Variants in PGS1 observed in about 807,000 individuals in gnomAD.
The protein encoded by PGS1 is phosphatidylglycerophosphate synthase 1.
PGS1 carries 44 observed loss-of-function variants against 58.3 expected under a neutral mutation model. That is an observed-to-expected ratio of 0.75 (90% CI 0.59 to 0.97). The LOEUF is 0.97. PGS1 is among the 50% of genes least tolerant of loss of function. The pLI, the probability that PGS1 is intolerant of heterozygous loss-of-function variation, is 0.00. For synonymous variants in PGS1, 330 were observed against 311.0 expected, an observed-to-expected ratio of 1.06 and a Z score of -0.64; for missense variants, 684 against 731.1, an observed-to-expected ratio of 0.94 and a Z score of 0.74.
chr17:78,401,702 G>T (rs895854011), intron 6 of PGS1, among the ~76,000 whole-genome samples: 1 of 152,308 alleles, frequency 6.6e-6, no homozygotes, highest in African/African-American at 2.4e-5. Flanking sequence ...CTCAGACCCC[G>T]ACCGTGATGG....
chr17:78,410,415 C>T (rs912260571), intron 7 of PGS1, among the ~76,000 whole-genome samples: 12 of 145,014 alleles, frequency 8.3e-5, no homozygotes, highest in South Asian at 2.3e-4. Flanking sequence ...GGTGACAAGA[C>T]GAAACTCTGT....
At chr17:78,416,743 AT>A (rs1401447537) in intron 8 of PGS1, among the ~76,000 whole-genome samples, 1 of 152,182 alleles carries the variant, frequency 6.6e-6, no homozygotes, top group Non-Finnish European at 1.5e-5. Flanking sequence ...GGATAGACTG[AT>A]TTCTCTGCCT....
At chr17:78,402,805 G>A (rs927186123) in intron 6 of PGS1, among the ~76,000 whole-genome samples, 5 of 152,110 alleles carry the variant, frequency 3.3e-5, no homozygotes, top group African/African-American at 1.2e-4. Context: ...GTTTTATTCT[G>A]TTGTTTCTTT....
At chr17:78,392,121 A>G (rs4969178) in intron 1 of PGS1, among the ~76,000 whole-genome samples, 94,779 of 152,004 alleles carry the variant, frequency 0.62, 29,645 homozygotes, top group Admixed American at 0.66. Context: ...GAACGTTGCC[A>G]TGTGGTAGCT....
chr17:78,396,444 A>C, intron 3 of PGS1, 59 bp downstream of exon 3: 1 of 1,223,972 alleles, frequency 8.2e-7, no homozygotes, highest in South Asian at 1.4e-5. Flanking sequence ...AACATGCCAC[A>C]GCTTTTTGTG....
chr17:78,386,398 G>A (rs1306074680), intron 1 of PGS1, among the ~76,000 whole-genome samples: 2 of 152,170 alleles, frequency 1.3e-5, no homozygotes, highest in African/African-American at 2.4e-5. Context: ...GGGTAAAGGA[G>A]TGGCCTTCAG....
At chr17:78,406,989 C>G (rs1567983027) in intron 7 of PGS1, among the ~76,000 whole-genome samples, 1 of 152,344 alleles carries the variant, frequency 6.6e-6, no homozygotes, top group East Asian at 1.9e-4. Flanking sequence ...AACACCCAAC[C>G]TGCTTTTCTG....
chr17:78,378,852 A>T, intron 1 of PGS1, 44 bp downstream of exon 1: 1 of 1,359,738 alleles, frequency 7.4e-7, no homozygotes, highest in Admixed American at 4.0e-5. Flanking sequence ...TCGCGGCTGC[A>T]GCCCGGCCCC....
intron 7 of PGS1, among the ~76,000 whole-genome samples, chr17:78,413,839 G>T (rs1164698502): frequency 6.6e-6 from 1 of 152,230 alleles, no homozygotes; most frequent in African/African-American, 2.4e-5. Flanking sequence ...AACTGTGCTT[G>T]TCATCTCAGG....
At chr17:78,399,822 C>A in intron 5 of PGS1, 1 of 476,908 alleles carries the variant, frequency 2.1e-6, no homozygotes, top group South Asian at 2.3e-5. Flanking sequence ...ATTTTCCTCA[C>A]TGTGTACATG....
chr17:78,423,987 A>G, intron 9 of PGS1, 74 bp from the exon 10 acceptor site: 1 of 1,614,018 alleles, frequency 6.2e-7, no homozygotes, highest in Non-Finnish European at 8.5e-7. Flanking sequence ...AGGTCCAGAC[A>G]TAGGTGGGGC....
chr17:78,420,278 C>T, intron 9 of PGS1: 3 of 960,356 alleles, frequency 3.1e-6, no homozygotes, highest in Admixed American at 1.2e-4. Context: ...CAGGAGGGGC[C>T]TGCCGCTTCA....
In PGS1 at chr17:78,392,426, AG is replaced by A. The variant is rs763542973; in HGVS notation, c.144-49del. The A allele has an allele frequency of 1.6e-4, 222 of 1,377,066 alleles. 1 individual carries two copies. The highest frequency in any genetic ancestry group is 2.2e-4 in the Non-Finnish European group (217 of 999,920). The allele number at this position is 1,377,066 out of a possible 1,614,324, so 85.3% of individuals were successfully genotyped here. On this transcript the variant is annotated intron_variant, in intron 1 of 9. Coordinates refer to ENST00000262764, the MANE Select transcript of PGS1 (RefSeq NM_024419.5). Reference sequence around the variant, plus strand: ...AGTAACTGAGGGGGGCTTCTGCAGAAGTATTTGAGGTATTTGAGGTGTGACC... The same window carrying A: ...AGTAACTGAGGGGGGCTTCTGCAGAATATTTGAGGTATTTGAGGTGTGACC...
At chr17:78,398,009 G>T (rs2083371280) in intron 3 of PGS1, 5 of 594,876 alleles carry the variant, frequency 8.4e-6, no homozygotes, top group South Asian at 3.0e-5. Context: ...GCACGCCTCT[G>T]CCTGCAGGTC....
At chr17:78,401,981 C>G (rs932481387) in intron 6 of PGS1, among the ~76,000 whole-genome samples, 1 of 152,204 alleles carries the variant, frequency 6.6e-6, no homozygotes, top group African/African-American at 2.4e-5. Flanking sequence ...ACGCTCCGAG[C>G]AGGAGCGGGG....
rs775417785 is a variant in PGS1, at chr17:78,403,891, A to C, written c.1204A>C (p.Thr402Pro). 1.9e-6 allele frequency: 3 copies of C among 1,614,092 alleles called. No individual in the cohort carries two copies. In the South Asian group the frequency reaches 3.3e-5, roughly 18 times the overall value. ...TQAYMDLVLGTRAEYQILLAS... is the reference protein window; with the variant it reads ...TQAYMDLVLGPRAEYQILLAS... ...GGCCTACATGGACCTGGTCTTGGGC[A>C]CTCGGGCTGAGTACCAGATCCTGCT... The change falls in exon 7 of 10, where the codon ACT (threonine) becomes CCT (proline). Residue 402 changes from threonine to proline, a missense_variant. By Grantham distance (38) the Thr-to-Pro change is conservative. Transcript: ENST00000262764.
At chr17:78,381,868 A>C (rs1250319057) in intron 1 of PGS1, among the ~76,000 whole-genome samples, 2 of 152,212 alleles carry the variant, frequency 1.3e-5, no homozygotes, top group East Asian at 3.8e-4. Context: ...ACTCATTATC[A>C]TTAGGAACTG....
intron 7 of PGS1, among the ~76,000 whole-genome samples, chr17:78,412,398 A>G (rs1251592096): frequency 1.3e-5 from 2 of 152,194 alleles, no homozygotes; most frequent in Non-Finnish European, 2.9e-5. Context: ...TATTCTTTCT[A>G]TATGGGAAAC....
chr17:78,409,837 G>A (rs544275559), intron 7 of PGS1, among the ~76,000 whole-genome samples: 3 of 152,338 alleles, frequency 2.0e-5, no homozygotes, highest in East Asian at 1.9e-4. Flanking sequence ...AAGGCCTGGC[G>A]TGGTGGCTCA....
Sources: allele counts gnomAD v4.1 joint callset (sites outside exome capture counted in the v4.1 genomes callset), GRCh38; gene constraint gnomAD v4.1.1; transcripts MANE v1.5; gene names NCBI Gene and HGNC (gene_info 2026-07-23, HGNC 2026-07-21).